PRR11: variants seen among roughly 807,000 people sequenced by gnomAD.
PRR11 encodes the protein proline-rich protein 11.
PRR11 carries 30 observed loss-of-function variants against 45.6 expected under a neutral mutation model. The ratio of observed to expected loss-of-function variants is 0.66; its 90% CI spans 0.49 to 0.89. The LOEUF is 0.89. Ranked by LOEUF, PRR11 falls within the 40% of genes least tolerant of loss-of-function variation. The pLI is 0.00. For missense variants in PRR11, 373 were observed against 424.8 expected (o/e 0.88, Z 1.07); for synonymous variants, 128 against 153.5 (o/e 0.83, Z 1.23).
chr17:59,159,758 C>T (rs2046642539), intron 1 of PRR11, among the ~76,000 whole-genome samples: 1 of 152,096 alleles, frequency 6.6e-6, no homozygotes, highest in South Asian at 2.1e-4. Context: ...CATGTTATTC[C>T]CTCTGATGGG....
rs141996049 is a variant in PRR11, at chr17:59,179,156, C to T, written c.129-5898C>T. Among the ~76,000 whole-genome samples, 1,467 of 152,176 alleles carry T rather than the reference C, an allele frequency of 9.6e-3. 85 individuals carry two copies. In the East Asian group the frequency reaches 0.15, roughly 15 times the overall value. On this transcript the variant is annotated intron_variant, in intron 2 of 9. Coordinates refer to ENST00000262293, the MANE Select transcript of PRR11 (RefSeq NM_018304.4). ...CTGGGATTACAGGCGTGTGCTACCA[C>T]GCCTGGCTAATTTTTGTATTTTTAG... is the stretch of plus-strand genomic sequence containing the variant.
intron 2 of PRR11, among the ~76,000 whole-genome samples, chr17:59,170,452 G>A (rs1568319201): frequency 6.6e-6 from 1 of 151,294 alleles, no homozygotes; most frequent in Non-Finnish European, 1.5e-5. Flanking sequence ...ACTTAAGCTG[G>A]AGTGCAGTAG....
intron 1 of PRR11, among the ~76,000 whole-genome samples, chr17:59,161,601 C>A (rs2046653235): frequency 6.6e-6 from 1 of 151,616 alleles, no homozygotes; most frequent in Non-Finnish European, 1.5e-5. Flanking sequence ...ATAAAAAAAC[C>A]AGCTGGGCAT....
intron 1 of PRR11, among the ~76,000 whole-genome samples, chr17:59,156,929 A>G (rs1164849460): frequency 6.6e-6 from 1 of 152,182 alleles, no homozygotes; most frequent in African/African-American, 2.4e-5. Context: ...GCTCGGCCGC[A>G]AAGAACTTTT....
rs1027227312 is a variant in PRR11, at chr17:59,204,093, A to T, written c.*2462A>T. 2 of 152,040 alleles carry T rather than the reference A, an allele frequency of 1.3e-5. No individual in the cohort carries two copies. Among genetic ancestry groups the T allele is most frequent in the Admixed American group, 6.6e-5 (1 of 15,224 alleles). 9.4% of individuals were successfully genotyped at this position (152,040 alleles called of 1,614,324 possible). On this transcript the variant is annotated 3_prime_UTR_variant, in exon 10 of 10. Coordinates refer to ENST00000262293, the MANE Select transcript of PRR11 (RefSeq NM_018304.4). The stretch of plus-strand genomic sequence containing the variant: ...CTTGACCATTCTTGTGGGATAAGAG[A>T]TCATTAAAAAAATGCTAGGGCCGGG...
At chr17:59,182,917 T>C (rs2046796140) in intron 2 of PRR11, among the ~76,000 whole-genome samples, 2 of 152,100 alleles carry the variant, frequency 1.3e-5, no homozygotes, top group Admixed American at 6.5e-5. Flanking sequence ...TCCAAGGCCT[T>C]CTTCTGGACT....
Position 59,193,617 on chromosome 17 carries a change from A to G in PRR11, c.528A>G (p.Thr176=). ...ACTCCAAAGCTGTGCTTCCTCCCAC[A>G]CTGCCACAGCCAGCCAGCCATTTTC... ...PGDSKAVLPP[T]LPQPASHFPP... Residue 176 remains threonine (T), a synonymous_variant, in exon 5 of 10, where the codon ACA becomes ACG. Coordinates refer to ENST00000262293, the MANE Select transcript of PRR11 (RefSeq NM_018304.4). 6 of 1,613,982 alleles carry G rather than the reference A, an allele frequency of 3.7e-6. No homozygotes were observed. Among genetic ancestry groups the G allele is most frequent in the Non-Finnish European group, 4.2e-6 (5 of 1,179,996 alleles).
chr17:59,182,120 C>T (rs1041584702), intron 2 of PRR11, among the ~76,000 whole-genome samples: 3 of 151,614 alleles, frequency 2.0e-5, no homozygotes, highest in Non-Finnish European at 4.4e-5. Flanking sequence ...ATCTGTCTCC[C>T]GGATTCCAGT....
intron 1 of PRR11, among the ~76,000 whole-genome samples, chr17:59,159,306 A>T (rs1599688070): frequency 6.6e-6 from 1 of 151,758 alleles, no homozygotes; most frequent in Non-Finnish European, 1.5e-5. Context: ...GGGTAATTTC[A>T]CTCATTTCTA....
intron 1 of PRR11, among the ~76,000 whole-genome samples, chr17:59,163,863 A>G (rs1446163470): frequency 6.6e-6 from 1 of 152,094 alleles, no homozygotes; most frequent in East Asian, 1.9e-4. Context: ...TCAGGAGTTC[A>G]AGACCAGCCT....
chr17:59,169,933 G>T, intron 2 of PRR11, 53 bp downstream of exon 2: 1 of 1,527,384 alleles, frequency 6.5e-7, no homozygotes, highest in Non-Finnish European at 8.8e-7. Context: ...ATCAGTTTAA[G>T]ATAGAGTTTC....
chr17:59,186,381 A>ATTTTTTTTTTTTT (rs59082405), intron 4 of PRR11, among the ~76,000 whole-genome samples: 2 of 84,610 alleles, frequency 2.4e-5, no homozygotes, highest in Non-Finnish European at 4.7e-5. Flanking sequence ...GCTGTTTGTA[A>ATTTTTTTTTTTTT]TTTTTTTTTT....
intron 2 of PRR11, among the ~76,000 whole-genome samples, chr17:59,183,061 A>G (rs1173381627): frequency 6.6e-6 from 1 of 152,184 alleles, no homozygotes. Context: ...CCAATCAGGA[A>G]GGTTGGAATC....
At chr17:59,172,722 G>A (rs891000446) in intron 2 of PRR11, among the ~76,000 whole-genome samples, 4 of 152,238 alleles carry the variant, frequency 2.6e-5, no homozygotes, top group Admixed American at 6.5e-5. Flanking sequence ...CACTGGCGCT[G>A]TGCTCGATTT....
rs146534974 is a variant in PRR11, at chr17:59,173,977, T to G, written c.128+4097T>G. 1.9e-3 allele frequency among the ~76,000 whole-genome samples: 295 copies of G among 152,324 alleles called. 2 individuals are homozygous for G. The highest frequency in any genetic ancestry group is 6.8e-3 in the African/African-American group (283 of 41,548). On this transcript the variant is annotated intron_variant, in intron 2 of 9. Coordinates refer to ENST00000262293, the MANE Select transcript of PRR11 (RefSeq NM_018304.4). ...GGCGGCTCTCTAGACAGGAAGGTTATTCACGTCCCACATCAAGTCTAACTA... is the reference window on the plus strand; with the variant it reads ...GGCGGCTCTCTAGACAGGAAGGTTAGTCACGTCCCACATCAAGTCTAACTA...
At chr17:59,169,559 A>C (rs1439676317) in intron 1 of PRR11, among the ~76,000 whole-genome samples, 189 bp from the exon 2 acceptor site, 2 of 152,220 alleles carry the variant, frequency 1.3e-5, no homozygotes, top group Non-Finnish European at 2.9e-5. Flanking sequence ...GATAGTTTAA[A>C]TCTGTGTTTA....
intron 2 of PRR11, chr17:59,177,400 G>T: frequency 2.1e-6 from 1 of 478,964 alleles, no homozygotes. Context: ...TGTGGAAATT[G>T]CGGGGTGGTG....
At position 59,185,514 on chromosome 17, in the gene PRR11, G is replaced by C; in HGVS notation, c.354G>C (p.Gln118His). The change falls in exon 4 of 10, where the codon CAG becomes CAC. Residue 118 changes from glutamine to histidine, a missense_variant. By Grantham distance (24) the Gln-to-His change is conservative. Coordinates refer to ENST00000262293, the MANE Select transcript of PRR11 (RefSeq NM_018304.4). ...GAGAACTTTACAGTGTAAAACAACA[G>C]TTTTGCATTTTGGAAAGTAAATTAT... The part of the protein sequence containing the change: ...CHRELYSVKQ[Q>H]FCILESKLCK... The C allele has an allele frequency of 1.9e-6, 3 of 1,611,482 alleles. No individual in the cohort carries two copies. The highest frequency in any genetic ancestry group is 2.5e-6 in the Non-Finnish European group (3 of 1,179,298).
intron 2 of PRR11, among the ~76,000 whole-genome samples, chr17:59,183,823 C>T (rs2046800611): frequency 6.6e-6 from 1 of 152,148 alleles, no homozygotes; most frequent in Non-Finnish European, 1.5e-5. Flanking sequence ...CTCAGCTGTG[C>T]ACAGTGGCTC....
Sources: allele counts gnomAD v4.1 joint callset (sites outside exome capture counted in the v4.1 genomes callset), GRCh38; gene constraint gnomAD v4.1.1; transcripts MANE v1.5; gene names NCBI Gene and HGNC (gene_info 2026-07-23, HGNC 2026-07-21).